FAM149B1: variants seen among roughly 807,000 people sequenced by gnomAD.
FAM149B1 encodes the protein primary cilium assembly protein FAM149B1.
A neutral mutation model predicts 75.3 loss-of-function variants in FAM149B1; 56 were observed. The observed-to-expected ratio is 0.74, with a 90% CI of 0.60 to 0.93. The LOEUF is 0.93. Ranked by LOEUF, FAM149B1 falls within the 40% of genes least tolerant of loss-of-function variation. FAM149B1 has a pLI of 0.00. For synonymous variants in FAM149B1, 259 were observed against 256.1 expected, an observed-to-expected ratio of 1.01 and a Z score of -0.11; for missense variants, 639 against 708.4, an observed-to-expected ratio of 0.90 and a Z score of 1.11.
In FAM149B1 at chr10:73,243,279, T is replaced by C; in HGVS notation, c.*2260T>C. 8.9e-7 allele frequency: 1 copy of C among 1,122,388 alleles called. No homozygotes were observed. The highest frequency in any genetic ancestry group is 1.5e-5 in the South Asian group (1 of 67,546). 69.5% of individuals were successfully genotyped at this position (1,122,388 alleles called of 1,614,324 possible). On this transcript the variant is annotated 3_prime_UTR_variant, in exon 14 of 14. Coordinates refer to ENST00000242505, the MANE Select transcript of FAM149B1 (RefSeq NM_173348.2). ...TGCTTGGTCTAGTCAATCTGAAAAATTCAGGCTGGAAAGACACCTTTTCTC... is the reference window on the plus strand; with the variant it reads ...TGCTTGGTCTAGTCAATCTGAAAAACTCAGGCTGGAAAGACACCTTTTCTC...
At chr10:73,203,766 A>T (rs1175210969) in intron 5 of FAM149B1, among the ~76,000 whole-genome samples, 1 of 151,840 alleles carries the variant, frequency 6.6e-6, no homozygotes, top group Admixed American at 6.6e-5. Flanking sequence ...CAGCCTCCTG[A>T]GTAGCTGGGA....
rs1389601810 is a variant in FAM149B1 at position 73,242,239 on chromosome 10, A to T, written c.*1220A>T. On this transcript the variant is annotated 3_prime_UTR_variant, in exon 14 of 14. Transcript: ENST00000242505. The stretch of plus-strand genomic sequence containing the variant: ...TACCTTAGAGCTAAAGGCTTACTTT[A>T]TGCATACGGTATATTTAATAGTCTA... The T allele has an allele frequency of 6.6e-6, 1 of 152,224 alleles. No individual in the cohort carries two copies. The highest frequency in any genetic ancestry group is 1.5e-5 in the Non-Finnish European group (1 of 68,034). The allele number at this position is 152,224 out of a possible 1,614,324, so 9.4% of individuals were successfully genotyped here.
chr10:73,215,108 C>T (rs1311002546), intron 7 of FAM149B1, among the ~76,000 whole-genome samples: 1 of 152,022 alleles, frequency 6.6e-6, no homozygotes, highest in Non-Finnish European at 1.5e-5. Flanking sequence ...TGCGCCTCTG[C>T]CTCCCAGGTT....
intron 5 of FAM149B1, among the ~76,000 whole-genome samples, chr10:73,202,456 CTT>C (rs201961924): frequency 5.5e-5 from 8 of 145,680 alleles, no homozygotes; most frequent in East Asian, 2.0e-4. Flanking sequence ...TGTTTGATAG[CTT>C]TTTTTTTTTT....
chr10:73,234,937 G>T lies in FAM149B1; in HGVS notation c.1473G>T (p.Gln491His). The T allele has an allele frequency of 6.4e-7, 1 of 1,551,968 alleles. No homozygotes were observed. The highest frequency in any genetic ancestry group is 2.0e-5 in the Admixed American group (1 of 50,988). The change falls in exon 11 of 14, where the codon CAG becomes CAT. Residue 491 changes from glutamine to histidine, a missense_variant. Transcript: ENST00000242505. ...EHVSTVGPQR[Q>H]MKPHGDSSRA... ...TGAGCACTGTGGGGCCACAAAGACA[G>T]ATGGTATGTTTCTTTCATATTGCCT...
At chr10:73,198,777 C>T (rs1326977806) in intron 5 of FAM149B1, among the ~76,000 whole-genome samples, 1 of 152,100 alleles carries the variant, frequency 6.6e-6, no homozygotes, top group Admixed American at 6.6e-5. Context: ...TGCACTCCAG[C>T]CTGGGCGGCA....
At chr10:73,240,843 A>G in intron 13 of FAM149B1, 103 bp from the exon 14 acceptor site, 2 of 709,678 alleles carry the variant, frequency 2.8e-6, no homozygotes, top group Non-Finnish European at 5.0e-6. Flanking sequence ...ATACCTTAAG[A>G]AAGTCCAATT....
chr10:73,239,344 T>A lies in FAM149B1; in HGVS notation c.1635T>A (p.Val545=), dbSNP rs1473083914. The A allele has an allele frequency of 6.4e-7, 1 of 1,551,758 alleles. No homozygotes were observed. Among genetic ancestry groups the A allele is most frequent in the East Asian group, 2.4e-5 (1 of 40,932 alleles). ...CACAGTATCGTCGCTCATGTGCAGT[T>A]GAGTATCCTCATCAGGCCCGACCTG... The part of the protein sequence containing the change: ...LDTQYRRSCA[V]EYPHQARPGR... Residue 545 remains valine (V), a synonymous_variant, in exon 13 of 14, where the codon GTT becomes GTA. Transcript: ENST00000242505.
intron 3 of FAM149B1, among the ~76,000 whole-genome samples, chr10:73,189,747 A>G (rs2042635318): frequency 6.6e-6 from 1 of 152,238 alleles, no homozygotes; most frequent in African/African-American, 2.4e-5. Context: ...GCTGCAAAGG[A>G]GTGTGAGGAG....
At chr10:73,184,915 TA>T (rs2042483700) in intron 3 of FAM149B1, among the ~76,000 whole-genome samples, 2 of 152,040 alleles carry the variant, frequency 1.3e-5, no homozygotes, top group African/African-American at 4.8e-5. Context: ...TAGAAATTAA[TA>T]AAACAGAAAA....
At chr10:73,183,719 T>C (rs905424608) in intron 3 of FAM149B1, 1 of 152,092 alleles carries the variant, frequency 6.6e-6, no homozygotes, top group African/African-American at 2.4e-5. Flanking sequence ...GCTTTGCAAA[T>C]TGACAAAAAG....
At chr10:73,174,233 A>C (rs929163518) in intron 1 of FAM149B1, among the ~76,000 whole-genome samples, 3 of 152,174 alleles carry the variant, frequency 2.0e-5, no homozygotes, top group African/African-American at 7.2e-5. Context: ...TTTTATTAGA[A>C]ACTGTCAAAC....
chr10:73,243,741 G>A lies in FAM149B1; in HGVS notation c.*2722G>A, dbSNP rs570672243. On this transcript the variant is annotated 3_prime_UTR_variant, in exon 14 of 14. Transcript: ENST00000242505. ...TTAAAAGGACAAATAGAAGGTATGC[G>A]GTTATGTCTTAAAAGAAGAAAACAA... The A allele has an allele frequency of 3.6e-5, 43 of 1,179,772 alleles. No homozygotes were observed. In the East Asian group the frequency reaches 4.3e-4, roughly 12 times the overall value. The allele number at this position is 1,179,772 out of a possible 1,614,324, so 73.1% of individuals were successfully genotyped here.
chr10:73,220,792 AC>A (rs1334753543), intron 7 of FAM149B1, among the ~76,000 whole-genome samples: 2 of 152,178 alleles, frequency 1.3e-5, no homozygotes, highest in African/African-American at 2.4e-5. Flanking sequence ...GAAGGTGGCC[AC>A]CGGAAAGCCA....
At chr10:73,233,297 T>C in intron 10 of FAM149B1, 134 bp downstream of exon 10, 2 of 672,670 alleles carry the variant, frequency 3.0e-6, no homozygotes, top group Admixed American at 2.7e-5. Flanking sequence ...AGATTGCCCA[T>C]GGGTTTAGAT....
intron 11 of FAM149B1, 46 bp downstream of exon 11, chr10:73,234,986 T>A (rs191041721): frequency 2.9e-4 from 450 of 1,540,442 alleles, no homozygotes; most frequent in Non-Finnish European, 3.7e-4. Context: ...CCATACAACC[T>A]AATGGGCAGT....
At chr10:73,195,900 T>G (rs1427789239) in intron 5 of FAM149B1, among the ~76,000 whole-genome samples, 12 of 152,224 alleles carry the variant, frequency 7.9e-5, no homozygotes, top group Admixed American at 7.9e-4. Context: ...CACTACTTAT[T>G]GGAAGCCATA....
chr10:73,230,274 G>A (rs1259676420), intron 8 of FAM149B1, 148 bp from the exon 9 acceptor site: 2 of 558,072 alleles, frequency 3.6e-6, no homozygotes, highest in Non-Finnish European at 3.2e-6. Flanking sequence ...TGGGGCCCCA[G>A]CTACGGGCCC....
chr10:73,190,483 TAAAAAAC>T (rs1227887203), intron 3 of FAM149B1, among the ~76,000 whole-genome samples: 7 of 148,304 alleles, frequency 4.7e-5, no homozygotes, highest in Non-Finnish European at 1.0e-4. Flanking sequence ...TTGGACAAAT[TAAAAAAC>T]AAAAAACAAA....
Sources: gnomAD v4.1 joint callset for allele counts (sites outside exome capture counted in the v4.1 genomes callset) on GRCh38, gnomAD v4.1.1 for gene constraint, MANE v1.5 for transcripts, NCBI Gene and HGNC (gene_info 2026-07-23, HGNC 2026-07-21) for gene names.